The following LUZP2 variants were observed in gnomAD, a reference collection of about 807,000 sequenced individuals.
The protein encoded by LUZP2 is leucine zipper protein 2.
In LUZP2, 52 loss-of-function variants were observed where a neutral mutation model predicts 51.6. The observed-to-expected ratio is 1.01, with a 90% confidence interval of 0.81 to 1.27. The LOEUF is 1.27. Among genes scored for constraint, LUZP2 ranks in the 50% most tolerant of loss-of-function variants. LUZP2 has a pLI of 0.00. For synonymous variants in LUZP2, 154 were observed against 137.3 expected, an observed-to-expected ratio of 1.12 and a Z score of -0.85; for missense variants, 436 against 395.4, an observed-to-expected ratio of 1.10 and a Z score of -0.87.
At chr11:24,762,958 A>G in intron 4 of LUZP2, 2 of 962,598 alleles carry the variant, frequency 2.1e-6, no homozygotes, top group Non-Finnish European at 2.5e-6. Flanking sequence ...TTAAAAGGAA[A>G]TGAAGTTTAT....
At chr11:24,779,366 T>G (rs1849025344) in intron 5 of LUZP2, among the ~76,000 whole-genome samples, 2 of 152,142 alleles carry the variant, frequency 1.3e-5, no homozygotes, top group Admixed American at 1.3e-4. Context: ...TTGACATAGT[T>G]TGCAAAAATC....
chr11:24,967,674 T>A (rs1304885173), intron 7 of LUZP2, among the ~76,000 whole-genome samples: 1 of 152,040 alleles, frequency 6.6e-6, no homozygotes, highest in Non-Finnish European at 1.5e-5. Context: ...TTAATGTGCA[T>A]CCAATTTCAT....
chr11:25,063,493 T>C (rs1858908997), intron 10 of LUZP2, among the ~76,000 whole-genome samples: 1 of 151,856 alleles, frequency 6.6e-6, no homozygotes, highest in Non-Finnish European at 1.5e-5. Flanking sequence ...AGGAGTCTGC[T>C]TCAGCATGTT....
chr11:24,958,169 T>C (rs1269817614), intron 7 of LUZP2, among the ~76,000 whole-genome samples: 1 of 152,232 alleles, frequency 6.6e-6, no homozygotes, highest in Non-Finnish European at 1.5e-5. Flanking sequence ...ACATTTGGGT[T>C]GGTTCCAAGT....
intron 1 of LUZP2, among the ~76,000 whole-genome samples, chr11:24,564,285 G>A (rs544487076): frequency 3.3e-4 from 50 of 152,230 alleles, no homozygotes; most frequent in African/African-American, 1.2e-3. Context: ...TTTAAAGAGT[G>A]AAACCAGTAC....
chr11:24,933,084 C>T (rs1054728938), intron 7 of LUZP2, among the ~76,000 whole-genome samples: 1 of 152,196 alleles, frequency 6.6e-6, no homozygotes, highest in Admixed American at 6.5e-5. Flanking sequence ...ATGATCTGGA[C>T]GTTCAGCTTC....
chr11:24,587,133 C>T (rs536752070), intron 1 of LUZP2, among the ~76,000 whole-genome samples: 2 of 152,120 alleles, frequency 1.3e-5, no homozygotes, highest in Admixed American at 1.3e-4. Context: ...TAATGTGTAC[C>T]TTGTAATCCA....
chr11:25,018,459 G>C (rs575242002), intron 9 of LUZP2, among the ~76,000 whole-genome samples: 1 of 151,846 alleles, frequency 6.6e-6, no homozygotes, highest in African/African-American at 2.4e-5. Flanking sequence ...TCTCTCATAA[G>C]GAATATTTAT....
chr11:24,887,289 A>G, intron 5 of LUZP2, among the ~76,000 whole-genome samples: 1 of 152,142 alleles, frequency 6.6e-6, no homozygotes, highest in Non-Finnish European at 1.5e-5. Flanking sequence ...CTACTTACAT[A>G]TCCTTGGCAG....
intron 7 of LUZP2, among the ~76,000 whole-genome samples, chr11:24,940,574 T>G (rs572448667): frequency 6.6e-6 from 1 of 152,312 alleles, no homozygotes; most frequent in South Asian, 2.1e-4. Context: ...TAATGATAGC[T>G]TCTATGTTAT....
At chr11:24,719,517 T>C (rs907398437) in intron 1 of LUZP2, among the ~76,000 whole-genome samples, 2 of 152,312 alleles carry the variant, frequency 1.3e-5, no homozygotes, top group South Asian at 2.1e-4. Flanking sequence ...CAATGCACAA[T>C]GTAACAAGTA....
chr11:24,958,387 T>A (rs1043657436), intron 7 of LUZP2, among the ~76,000 whole-genome samples: 4 of 152,276 alleles, frequency 2.6e-5, no homozygotes, highest in African/African-American at 9.6e-5. Flanking sequence ...AAAGTGTTCC[T>A]ATTTCTCCAC....
chr11:24,807,738 C>T (rs186140008), intron 5 of LUZP2, among the ~76,000 whole-genome samples: 41 of 152,222 alleles, frequency 2.7e-4, no homozygotes, highest in African/African-American at 9.6e-4. Flanking sequence ...AGAGAAAGAA[C>T]TCCTCTAGAA....
At chr11:25,041,008 A>G (rs1401992861) in intron 9 of LUZP2, among the ~76,000 whole-genome samples, 2 of 152,122 alleles carry the variant, frequency 1.3e-5, no homozygotes, top group Non-Finnish European at 2.9e-5. Flanking sequence ...TAGTGGCTAC[A>G]GGCTATGTGC....
intron 1 of LUZP2, among the ~76,000 whole-genome samples, chr11:24,700,056 C>CTTTTTTTT (rs762849302): frequency 1.3e-4 from 12 of 95,978 alleles, no homozygotes; most frequent in Non-Finnish European, 1.8e-4. Context: ...TTTTCCTCAA[C>CTTTTTTTT]TTTTTTTTTT....
chr11:24,534,030 C>T (rs764360029), intron 1 of LUZP2, among the ~76,000 whole-genome samples: 2 of 151,138 alleles, frequency 1.3e-5, no homozygotes, highest in Non-Finnish European at 3.0e-5. Flanking sequence ...TAAACCTTCT[C>T]TAAGTCTAAA....
At chr11:24,649,599 C>G (rs111615881) in intron 1 of LUZP2, among the ~76,000 whole-genome samples, 1,588 of 152,024 alleles carry the variant, frequency 0.01, 34 homozygotes, top group African/African-American at 0.036. Context: ...CGAAGAGTCA[C>G]TAATATATTT....
At chr11:24,597,938 T>G (rs1853497443) in intron 1 of LUZP2, among the ~76,000 whole-genome samples, 1 of 152,008 alleles carries the variant, frequency 6.6e-6, no homozygotes, top group Non-Finnish European at 1.5e-5. Flanking sequence ...CAGTCTCTAC[T>G]AAAGATACAA....
At position 24,719,374 on chromosome 11, in the gene LUZP2, C is replaced by T. The variant is rs544580813; in HGVS notation, c.63-9795C>T. 4.2e-4 allele frequency among the ~76,000 whole-genome samples: 64 copies of T among 152,076 alleles called. 1 individual carries two copies. The South Asian group carries it at 8.1e-3, about 19-fold the overall frequency. ...AGAAAATAATTAGTTAAATCATGGC[C>T]CCAAAATATCCATCTTTAGTGAAAT... On this transcript the variant is annotated intron_variant, in intron 1 of 11. Transcript: ENST00000336930.
Sources: gnomAD v4.1 joint callset for allele counts (sites outside exome capture counted in the v4.1 genomes callset) on GRCh38, gnomAD v4.1.1 for gene constraint, MANE v1.5 for transcripts, NCBI Gene and HGNC (gene_info 2026-07-23, HGNC 2026-07-21) for gene names.